The following CYP24A1 variants were observed in gnomAD, a reference collection of about 807,000 sequenced individuals.
CYP24A1 encodes cytochrome P450 family 24 subfamily A member 1.
CYP24A1 carries 68 observed loss-of-function variants against 62.4 expected under a neutral mutation model. The observed-to-expected ratio is 1.09, with a 90% CI of 0.90 to 1.33. The LOEUF is 1.33. CYP24A1 is among the 40% of genes most tolerant of loss of function. CYP24A1 has a pLI of 0.00. For missense variants in CYP24A1, 787 were observed against 653.0 expected (o/e 1.21, Z -2.24); for synonymous variants, 267 against 253.0 (o/e 1.06, Z -0.52).
intron 11 of CYP24A1, 42 bp from the exon 12 acceptor site, chr20:54,154,803 A>G (rs1317086623): frequency 6.6e-6 from 1 of 152,266 alleles, no homozygotes; most frequent in Non-Finnish European, 1.5e-5. Context: ...TTGCAGAAGA[A>G]AAAGTATCAA....
At chr20:54,155,568 C>G (rs2092624665) in intron 11 of CYP24A1, among the ~76,000 whole-genome samples, 1 of 151,844 alleles carries the variant, frequency 6.6e-6, no homozygotes, top group Admixed American at 6.6e-5. Flanking sequence ...CCCATCTCTA[C>G]TAAAAATACA....
At chr20:54,167,666 A>C (rs975724217) in intron 4 of CYP24A1, among the ~76,000 whole-genome samples, 1 of 152,058 alleles carries the variant, frequency 6.6e-6, no homozygotes, top group African/African-American at 2.4e-5. Flanking sequence ...CCAGCTGCTC[A>C]GGATGCTGAG....
chr20:54,156,562 C>G (rs941027757), intron 11 of CYP24A1, among the ~76,000 whole-genome samples: 1 of 152,162 alleles, frequency 6.6e-6, no homozygotes, highest in Non-Finnish European at 1.5e-5. Flanking sequence ...GAGAATAGAT[C>G]CTCCTCTAGA....
chr20:54,170,309 G>A (rs2092689482), intron 3 of CYP24A1, among the ~76,000 whole-genome samples: 1 of 152,144 alleles, frequency 6.6e-6, no homozygotes, highest in Non-Finnish European at 1.5e-5. Flanking sequence ...ACCAAACACT[G>A]TACGAAGTGT....
chr20:54,171,509 G>T, intron 3 of CYP24A1, 68 bp downstream of exon 3: 1 of 1,612,884 alleles, frequency 6.2e-7, no homozygotes, highest in Admixed American at 1.7e-5. Flanking sequence ...TTGTAGCTGT[G>T]ACTTGAAGCT....
intron 4 of CYP24A1, 58 bp downstream of exon 4, chr20:54,169,534 T>G: frequency 6.2e-7 from 1 of 1,612,196 alleles, no homozygotes; most frequent in Non-Finnish European, 8.5e-7. Flanking sequence ...AAAAGAGCCA[T>G]GTTTTATCCG....
chr20:54,169,156 G>C (rs2092685144), intron 4 of CYP24A1, among the ~76,000 whole-genome samples: 1 of 152,034 alleles, frequency 6.6e-6, no homozygotes, highest in African/African-American at 2.4e-5. Flanking sequence ...GCCCACCTCA[G>C]CCTCCCAAAG....
intron 8 of CYP24A1, among the ~76,000 whole-genome samples, chr20:54,158,404 G>A (rs952705723): frequency 3.3e-5 from 5 of 152,146 alleles, no homozygotes; most frequent in Non-Finnish European, 5.9e-5. Context: ...AACTGTTAAC[G>A]TTGGTTTTCC....
At chr20:54,157,087 A>G in intron 11 of CYP24A1, 82 bp downstream of exon 11, 1 of 745,276 alleles carries the variant, frequency 1.3e-6, no homozygotes, top group Non-Finnish European at 2.4e-6. Flanking sequence ...TTCAAACCCC[A>G]GTCTGGCTGA....
the CYP24A1 span, among the ~76,000 whole-genome samples, chr20:54,146,848 A>C: frequency 2.0e-5 from 3 of 152,204 alleles, no homozygotes; most frequent in African/African-American, 4.8e-5. Flanking sequence ...GGGTTCTGCA[A>C]ATATTTTATT....
Position 54,173,088 on chromosome 20 carries a change from G to C in CYP24A1, c.270C>G (p.His90Gln). 1 of 1,603,414 alleles carries C rather than the reference G, an allele frequency of 6.2e-7. No homozygotes were observed. Among genetic ancestry groups the C allele is most frequent in the Non-Finnish European group, 8.5e-7 (1 of 1,179,968 alleles). ...TGCGGAAAATCTTGCCATACTTCTT[G>C]TGGTACTCCACCTGCAGCCGGCCGG... ...KKQHDTLVEYHKKYGKIFRMK... is the reference protein window; with the variant it reads ...KKQHDTLVEYQKKYGKIFRMK... The change falls in exon 2 of 12, where the codon CAC (histidine) becomes CAG (glutamine). Residue 90 changes from histidine (H) to glutamine (Q), a missense_variant. By Grantham distance (24) the His-to-Gln change is conservative. Coordinates refer to ENST00000216862, the MANE Select transcript of CYP24A1 (RefSeq NM_000782.5). This position sits in a 1 kb window ranked among gnomAD's most constrained non-coding sequence, Gnocchi z 7.2.
intron 11 of CYP24A1, among the ~76,000 whole-genome samples, chr20:54,156,365 T>C (rs2092627879): frequency 6.6e-6 from 1 of 152,116 alleles, no homozygotes; most frequent in Non-Finnish European, 1.5e-5. Context: ...GAAAGAGAGA[T>C]TCAAAGTGTG....
the CYP24A1 span, among the ~76,000 whole-genome samples, chr20:54,145,844 A>G: frequency 7.2e-5 from 11 of 152,242 alleles, no homozygotes; most frequent in Non-Finnish European, 1.6e-4. Context: ...AGGAATTTAC[A>G]CAAAGCTTTG....
In CYP24A1 at chr20:54,173,442, C is replaced by A; in HGVS notation, c.138G>T (p.Leu46=). Residue 46 remains leucine (L), a synonymous_variant, in exon 1 of 12, where the codon CTG becomes CTT. Transcript: ENST00000216862. This position sits in a 1 kb window ranked among gnomAD's most constrained non-coding sequence, Gnocchi z 7.2. ...PQPREVPVCP[L]TAGGETQNAA... ...CGTTCTGAGTCTCGCCACCAGCTGT[C>A]AGCGGGCAGACTGGCACCTCTCGCG... 6.4e-7 allele frequency: 1 copy of A among 1,569,218 alleles called. No homozygotes were observed. Among genetic ancestry groups the A allele is most frequent in the East Asian group, 2.4e-5 (1 of 42,202 alleles).
chr20:54,143,746 C>T, the CYP24A1 span, among the ~76,000 whole-genome samples: 2,774 of 151,486 alleles, frequency 0.018, 84 homozygotes, highest in African/African-American at 0.062. Flanking sequence ...GAAATCAAAG[C>T]ATCAACTAAT....
chr20:54,158,978 G>C lies in CYP24A1; in HGVS notation c.1136C>G (p.Ala379Gly). 3.7e-6 allele frequency: 6 copies of C among 1,614,140 alleles called. No homozygotes were observed. Among genetic ancestry groups the C allele is most frequent in the Non-Finnish European group, 5.1e-6 (6 of 1,180,026 alleles). ...TTACCTCATAGATTCTTTCAGACAG[G>C]CTTTTAAATACGGCATATTCCTCAA... ...EDLRNMPYLK[A>G]CLKESMRLTP... Residue 379 changes from alanine (A) to glycine (G), a missense_variant, in exon 8 of 12, where the codon GCC becomes GGC. Ala to Gly is a moderately conservative substitution (Grantham distance 60, BLOSUM62 0). Transcript: ENST00000216862.
Position 54,173,197 on chromosome 20 carries a change from GA to G in CYP24A1, c.259-99del. On this transcript the variant is annotated intron_variant, in intron 1 of 11. Coordinates refer to ENST00000216862, the MANE Select transcript of CYP24A1 (RefSeq NM_000782.5). The surrounding 1 kb of genome is among the most constrained non-coding windows in gnomAD (Gnocchi z 7.2). ...GCCTCCTTCCTCCTAGGGGACCGGG[GA>G]CCCTCCCTGCCCAGACGCCGAAGCG... 6.5e-7 allele frequency: 1 copy of G among 1,530,360 alleles called. No homozygotes were observed. Among genetic ancestry groups the G allele is most frequent in the South Asian group, 1.1e-5 (1 of 88,452 alleles). 94.8% of individuals were successfully genotyped at this position (1,530,360 alleles called of 1,614,324 possible). A position where few individuals can be genotyped will look rare whatever the true frequency, so the allele number is the denominator to read the frequency against.
chr20:54,155,781 T>A (rs1391854409), intron 11 of CYP24A1, among the ~76,000 whole-genome samples: 2 of 151,860 alleles, frequency 1.3e-5, no homozygotes, highest in Admixed American at 1.3e-4. Flanking sequence ...TTAGGCTAAC[T>A]TTTGATCACT....
At chr20:54,168,759 T>TTCCCTCC (rs2092681739) in intron 4 of CYP24A1, among the ~76,000 whole-genome samples, 1 of 112,362 alleles carries the variant, frequency 8.9e-6, no homozygotes, top group Non-Finnish European at 1.8e-5. Context: ...TCCTTCCTTC[T>TTCCCTCC]CTCCCTCCTT....
Sources: allele counts gnomAD v4.1 joint callset (sites outside exome capture counted in the v4.1 genomes callset), GRCh38; gene constraint gnomAD v4.1.1; non-coding constraint Gnocchi (gnomAD v3.1); transcripts MANE v1.5; gene names NCBI Gene and HGNC (gene_info 2026-07-23, HGNC 2026-07-21).